Variants in MAP3K19 observed in about 807,000 individuals in gnomAD.
MAP3K19 encodes the protein SPS1/STE20-related protein kinase YSK4.
Under a neutral mutation model 114.4 loss-of-function variants are expected in MAP3K19, and 91 were observed. That is an observed-to-expected ratio of 0.80 (90% CI 0.67 to 0.95). The LOEUF (loss-of-function observed/expected upper bound fraction) is 0.95. Ranked by LOEUF, MAP3K19 falls within the 40% of genes least tolerant of loss-of-function variation. The pLI, the probability that MAP3K19 is intolerant of heterozygous loss-of-function variation, is 0.00. For synonymous variants in MAP3K19, 518 were observed against 530.5 expected (o/e 0.98, Z 0.32); for missense variants, 1,471 against 1,573.2 (o/e 0.94, Z 1.10).
At chr2:134,989,876 G>T (rs1468497127) in intron 9 of MAP3K19, among the ~76,000 whole-genome samples, 1 of 152,168 alleles carries the variant, frequency 6.6e-6, no homozygotes, top group Non-Finnish European at 1.5e-5. Context: ...AAGGTCAGGA[G>T]TTCAAGACCC....
rs750409675 is a variant in MAP3K19 at position 135,005,467 on chromosome 2, C to T, written c.203G>A (p.Gly68Asp). The T allele has an allele frequency of 6.2e-7, 1 of 1,614,026 alleles. No homozygotes were observed. The highest frequency in any genetic ancestry group is 1.1e-5 in the South Asian group (1 of 91,080). ...TLVNEEEDPS[G>D]GRQDWQPRTE... is the part of the protein sequence containing the mutation. ...CCTGGGTTGCCAGTCCTGTCTACCA[C>T]CACTGGGATCTTCTTCTTCATTAAC... The change falls in exon 6 of 13, where the codon GGT (glycine) becomes GAT (aspartate). Residue 68 changes from glycine to aspartate, a missense_variant. Coordinates refer to ENST00000392915, the MANE Select transcript of MAP3K19 (RefSeq NM_025052.5).
intron 8 of MAP3K19, among the ~76,000 whole-genome samples, chr2:134,994,217 A>G (rs991188355): frequency 2.0e-5 from 3 of 152,222 alleles, no homozygotes; most frequent in Non-Finnish European, 2.9e-5. Flanking sequence ...AGAAAACTAT[A>G]TGGACGAATA....
intron 6 of MAP3K19, among the ~76,000 whole-genome samples, chr2:135,004,772 G>T (rs1183051408): frequency 6.6e-6 from 1 of 152,154 alleles, no homozygotes; most frequent in Admixed American, 6.5e-5. Context: ...GAAGATTCCA[G>T]ACTTATGGCC....
rs1486508093 is a variant in MAP3K19, at chr2:134,965,891, C to T, written c.3921-975G>A. 5.3e-5 allele frequency among the ~76,000 whole-genome samples: 8 copies of T among 152,322 alleles called. No individual in the cohort carries two copies. The East Asian group carries it at 1.4e-3, about 26-fold the overall frequency. ...TTTATCCTCCCTGCCCCACCACATA[C>T]ACACCCTTCCCAGCCTCTGATAACT... On this transcript the variant is annotated intron_variant, in intron 12 of 12. Coordinates refer to ENST00000392915, the MANE Select transcript of MAP3K19 (RefSeq NM_025052.5).
Position 134,964,838 on chromosome 2 carries a change from C to G in MAP3K19, c.*12G>C, listed in dbSNP as rs1367429863. 1 of 1,607,754 alleles carries G rather than the reference C, an allele frequency of 6.2e-7. No homozygotes were observed. The highest frequency in any genetic ancestry group is 1.3e-5 in the African/African-American group (1 of 74,946). ...TCTGCAGTGGAACTGGGAAGAAAGT[C>G]TTGATGTATATTCAGTGACTTCTCT... is the stretch of plus-strand genomic sequence containing the variant. On this transcript the variant is annotated 3_prime_UTR_variant, in exon 13 of 13. Transcript: ENST00000392915.
intron 12 of MAP3K19, among the ~76,000 whole-genome samples, chr2:134,972,663 T>C (rs1172484600): frequency 5.3e-5 from 8 of 152,088 alleles, no homozygotes; most frequent in Non-Finnish European, 2.9e-5. Context: ...TCTTGAACTC[T>C]TGGCTTCAAG....
chr2:134,994,755 G>A (rs1042904202), intron 8 of MAP3K19, among the ~76,000 whole-genome samples: 1 of 152,120 alleles, frequency 6.6e-6, no homozygotes, highest in Non-Finnish European at 1.5e-5. Flanking sequence ...CTCCTTTGAG[G>A]CCCATTCAAC....
intron 12 of MAP3K19, among the ~76,000 whole-genome samples, chr2:134,968,026 C>T (rs1683506759): frequency 6.6e-6 from 1 of 152,058 alleles, no homozygotes; most frequent in Admixed American, 6.6e-5. Flanking sequence ...GTGTTTGTGT[C>T]CCTGGGTACT....
intron 3 of MAP3K19, among the ~76,000 whole-genome samples, chr2:135,026,503 C>CT (rs11379095): frequency 0.27 from 40,054 of 150,910 alleles, 7,133 homozygotes; most frequent in African/African-American, 0.49. Context: ...CTCCCTCCTC[C>CT]TTTTTTTTTC....
intron 5 of MAP3K19, among the ~76,000 whole-genome samples, chr2:135,011,461 C>T (rs1410068511): frequency 6.8e-6 from 1 of 148,092 alleles, no homozygotes; most frequent in Non-Finnish European, 1.5e-5. Context: ...GGCGTGAACC[C>T]GGGAGGCGGA....
chr2:135,008,993 C>T (rs1210841545), intron 5 of MAP3K19, among the ~76,000 whole-genome samples: 6 of 151,966 alleles, frequency 3.9e-5, no homozygotes, highest in Admixed American at 3.9e-4. Flanking sequence ...GCTCTGTTGC[C>T]CAGGCTGGAG....
At chr2:135,007,650 A>G (rs1243142231) in intron 5 of MAP3K19, among the ~76,000 whole-genome samples, 1 of 151,724 alleles carries the variant, frequency 6.6e-6, no homozygotes, top group East Asian at 1.9e-4. Context: ...ATACTTTCTA[A>G]AGCGTTTTCT....
At chr2:134,997,508 A>G (rs1686082718) in intron 8 of MAP3K19, among the ~76,000 whole-genome samples, 1 of 152,144 alleles carries the variant, frequency 6.6e-6, no homozygotes, top group African/African-American at 2.4e-5. Context: ...TGTTACACAC[A>G]TTTTAGCATA....
rs772952708 is a variant in MAP3K19, at chr2:135,024,697, T to C, written c.-50A>G. 8 of 1,527,054 alleles carry C rather than the reference T, an allele frequency of 5.2e-6. No homozygotes were observed. Among genetic ancestry groups the C allele is most frequent in the African/African-American group, 4.1e-5 (3 of 73,020 alleles). 94.6% of individuals were successfully genotyped at this position (1,527,054 alleles called of 1,614,324 possible). ...CTTTGAACTCTCTATTTGTGACACA[T>C]AATGTATTGCTGATTTTCCACTAAA... On this transcript the variant is annotated 5_prime_UTR_variant, in exon 4 of 13. It removes an upstream start codon present in the reference 5' UTR. Coordinates refer to ENST00000392915, the MANE Select transcript of MAP3K19 (RefSeq NM_025052.5).
chr2:135,025,372 CTTTTCTTTTTTTTTTTTTTTTT>C (rs1326961532), intron 3 of MAP3K19, among the ~76,000 whole-genome samples: 7 of 70,138 alleles, frequency 1.0e-4, no homozygotes, highest in African/African-American at 4.9e-4. Context: ...ATGGCCTTTT[CTTTTCTTTTTTTTTTTTTTTTT>C]TTTTTTTTTG....
intron 2 of MAP3K19, among the ~76,000 whole-genome samples, chr2:135,032,661 A>C (rs1688417550): frequency 6.9e-6 from 1 of 144,648 alleles, no homozygotes; most frequent in Non-Finnish European, 1.5e-5. Flanking sequence ...TTTCTCGCAG[A>C]GGGGGAGTTG....
chr2:135,005,153 A>G (rs966671705), intron 6 of MAP3K19, among the ~76,000 whole-genome samples: 2 of 152,032 alleles, frequency 1.3e-5, no homozygotes, highest in Admixed American at 1.3e-4. Context: ...AATTTTTTTA[A>G]CTTTTATTGC....
At chr2:134,992,970 C>T (rs867263181) in intron 8 of MAP3K19, among the ~76,000 whole-genome samples, 22 of 152,138 alleles carry the variant, frequency 1.4e-4, no homozygotes, top group Admixed American at 5.2e-4. Context: ...TGAGCCACCG[C>T]GCCCAACCCA....
At chr2:134,967,601 C>T (rs1195892508) in intron 12 of MAP3K19, among the ~76,000 whole-genome samples, 2 of 152,192 alleles carry the variant, frequency 1.3e-5, no homozygotes, top group South Asian at 2.1e-4. Flanking sequence ...CTTAGAGACA[C>T]GTCCAGTCAT....
Sources: allele counts gnomAD v4.1 joint callset (sites outside exome capture counted in the v4.1 genomes callset), GRCh38; gene constraint gnomAD v4.1.1; transcripts MANE v1.5; gene names NCBI Gene and HGNC (gene_info 2026-07-23, HGNC 2026-07-21).